The following HPN variants were observed in gnomAD, a reference collection of about 807,000 sequenced individuals.
HPN encodes hepsin, also known as serine protease hepsin.
In HPN, 13 loss-of-function variants were observed where a neutral mutation model predicts 55.9. The observed-to-expected ratio is 0.23, with a 90% CI of 0.15 to 0.37. The LOEUF (loss-of-function observed/expected upper bound fraction) is 0.37. Ranked by LOEUF, HPN falls within the 10% of genes least tolerant of loss-of-function variation. HPN has a pLI of 1.00. For synonymous variants in HPN, 225 were observed against 240.3 expected, an observed-to-expected ratio of 0.94 and a Z score of 0.59; for missense variants, 451 against 575.8, an observed-to-expected ratio of 0.78 and a Z score of 2.22.
Position 35,060,382 on chromosome 19 carries a change from G to A in HPN, c.490G>A (p.Val164Met), listed in dbSNP as rs781698528. The A allele has an allele frequency of 3.7e-6, 6 of 1,612,472 alleles. No homozygotes were observed. The highest frequency in any genetic ancestry group is 1.3e-5 in the African/African-American group (1 of 74,946). The change falls in exon 8 of 13, where the codon GTG (valine) becomes ATG (methionine). Residue 164 changes from valine (V) to methionine (M), a missense_variant. Val to Met is a conservative substitution (Grantham distance 21). This residue lies in a region of HPN where 378 missense variants were observed against 445.5 expected (regional missense o/e 0.85). Transcript: ENST00000672452. ...GRRKLPVDRI[V>M]GGRDTSLGRW... ...CAGGAAGCTGCCCGTGGACCGCATC[G>A]TGGGAGGCCGGGACACCAGCTTGGG...
rs145048085 is a variant in HPN, at chr19:35,049,099, G to A, written c.17-191G>A. On this transcript the variant is annotated intron_variant, in intron 2 of 12. Transcript: ENST00000672452. ...CCCAGCTGGAACCCTGGGGGAGCTG[G>A]GCACCTGGTTGTTCACACGGCAGGG... Among the ~76,000 whole-genome samples the A allele has an allele frequency of 2.3e-3, 354 of 152,304 alleles. 1 individual carries two copies. The highest frequency in any genetic ancestry group is 7.9e-3 in the African/African-American group (329 of 41,564).
intron 1 of HPN, 123 bp from the exon 2 acceptor site, chr19:35,042,330 G>C (rs2064302500): frequency 7.1e-7 from 1 of 1,417,780 alleles, no homozygotes; most frequent in Non-Finnish European, 9.2e-7. Context: ...CCGTGATCAC[G>C]GCGTGCTCTG....
rs1316232766 is a variant in HPN at position 35,066,395 on chromosome 19, T to C, written c.*108T>C. 1.2e-5 allele frequency: 17 copies of C among 1,431,604 alleles called. No homozygotes were observed. Among genetic ancestry groups the C allele is most frequent in the Non-Finnish European group, 1.6e-5 (17 of 1,056,174 alleles). The allele number at this position is 1,431,604 out of a possible 1,614,324, so 88.7% of individuals were successfully genotyped here. On this transcript the variant is annotated 3_prime_UTR_variant, in exon 13 of 13. Coordinates refer to ENST00000672452, the MANE Select transcript of HPN (RefSeq NM_001384133.1). Reference sequence around the variant, plus strand: ...TTTCTTCTTGGGCCCGGTCCACAGGTCCAAGGACACCCTCCCTCCAGGGTC... The same window carrying C: ...TTTCTTCTTGGGCCCGGTCCACAGGCCCAAGGACACCCTCCCTCCAGGGTC...
intron 2 of HPN, among the ~76,000 whole-genome samples, chr19:35,047,117 C>T (rs572989784): frequency 1.8e-4 from 28 of 152,334 alleles, no homozygotes; most frequent in African/African-American, 6.5e-4. Context: ...CGTGAGCCAC[C>T]GAGCCCGGCT....
At chr19:35,059,534 G>A in intron 4 of HPN, 139 bp from the exon 5 acceptor site, 1 of 1,083,072 alleles carries the variant, frequency 9.2e-7, no homozygotes, top group Non-Finnish European at 1.4e-6. Context: ...CAGATGTGGG[G>A]GCTGCAACCC....
At position 35,041,763 on chromosome 19, in the gene HPN, G is replaced by A. The variant is rs1451178278; in HGVS notation, c.-164G>A. 7.8e-7 allele frequency: 1 copy of A among 1,288,202 alleles called. No individual in the cohort carries two copies. Among genetic ancestry groups the A allele is most frequent in the Admixed American group, 2.3e-5 (1 of 43,534 alleles). 79.8% of individuals were successfully genotyped at this position (1,288,202 alleles called of 1,614,324 possible). A position where few individuals can be genotyped will look rare whatever the true frequency, so the allele number is the denominator to read the frequency against. ...TAGCAGGCCCCACGCCACCGCCTCT[G>A]CCTCCAGGCCGCCCGCTGCTGCGGG... On this transcript the variant is annotated 5_prime_UTR_variant, in exon 1 of 13. Transcript: ENST00000672452.
chr19:35,062,094 A>G (rs2064541621), intron 9 of HPN, among the ~76,000 whole-genome samples: 1 of 152,088 alleles, frequency 6.6e-6, no homozygotes. Context: ...GAAAGAAAAG[A>G]AAGGAAGGAA....
At chr19:35,064,014 A>G (rs987028800) in intron 9 of HPN, among the ~76,000 whole-genome samples, 4 of 152,240 alleles carry the variant, frequency 2.6e-5, no homozygotes, top group African/African-American at 9.6e-5. Context: ...TACTTTTACT[A>G]GTTATATGAA....
chr19:35,050,623 C>CA, intron 4 of HPN: 1 of 892,300 alleles, frequency 1.1e-6, no homozygotes, highest in East Asian at 6.7e-5. Flanking sequence ...ATGCCAACTT[C>CA]AAGCTGCCAT....
chr19:35,065,221 G>C, intron 9 of HPN, 29 bp from the exon 10 acceptor site: 1 of 1,556,272 alleles, frequency 6.4e-7, no homozygotes, highest in Non-Finnish European at 8.8e-7. Flanking sequence ...AGGCCAGCGG[G>C]GGCTGGACCA....
upstream of HPN, among the ~76,000 whole-genome samples, chr19:35,040,938 C>G (rs1274624014): frequency 6.6e-6 from 1 of 152,166 alleles, no homozygotes; most frequent in Non-Finnish European, 1.5e-5. Context: ...GGGCAAGCAG[C>G]CGAGGCCGAC....
At chr19:35,044,979 C>G (rs994882650) in intron 2 of HPN, among the ~76,000 whole-genome samples, 2 of 151,862 alleles carry the variant, frequency 1.3e-5, no homozygotes, top group African/African-American at 4.8e-5. Flanking sequence ...GAATGTTATG[C>G]AGATGGGGAT....
chr19:35,064,690 TC>T (rs781407096), intron 9 of HPN, among the ~76,000 whole-genome samples: 7 of 152,028 alleles, frequency 4.6e-5, no homozygotes, highest in Non-Finnish European at 1.0e-4. Context: ...GGCCTCATTT[TC>T]CCCCTCTCTA....
intron 9 of HPN, among the ~76,000 whole-genome samples, chr19:35,062,262 A>C (rs2064544577): frequency 6.6e-6 from 1 of 152,172 alleles, no homozygotes; most frequent in South Asian, 2.1e-4. Flanking sequence ...TGTCTGGGTG[A>C]TGAAAGATTC....
intron 9 of HPN, among the ~76,000 whole-genome samples, chr19:35,063,976 G>A (rs2064568339): frequency 6.6e-6 from 1 of 152,148 alleles, no homozygotes; most frequent in Admixed American, 6.5e-5. Context: ...ACTGGTAAAT[G>A]TTAGCAATTG....
At position 35,048,024 on chromosome 19, in the gene HPN, G is replaced by GAGAAGAAAGAA. The variant is rs1555722903; in HGVS notation, c.17-1262_17-1261insGAAAGAAAGAA. 9.3e-3 allele frequency among the ~76,000 whole-genome samples: 602 copies of GAGAAGAAAGAA among 65,036 alleles called. 30 individuals carry two copies. The highest frequency in any genetic ancestry group is 0.024 in the East Asian group (38 of 1,610). 42.7% of individuals were successfully genotyped at this position (65,036 alleles called of 152,430 possible). ...AAAAAGAAAAAGAAAGAGAGAGAGAGAGAAAAAGAAAGAAAGAAAGAAAGA... is the reference window on the plus strand; with the variant it reads ...AAAAAGAAAAAGAAAGAGAGAGAGAGAGAAGAAAGAAAGAAAAAGAAAGAAAGAAAGAAAGA... On this transcript the variant is annotated intron_variant, in intron 2 of 12. Transcript: ENST00000672452.
intron 12 of HPN, 94 bp from the exon 13 acceptor site, chr19:35,066,155 C>G: frequency 6.2e-7 from 1 of 1,613,222 alleles, no homozygotes; most frequent in Non-Finnish European, 8.5e-7. Context: ...CCCTTGGGAA[C>G]AGATGGACTT....
intron 9 of HPN, among the ~76,000 whole-genome samples, chr19:35,064,881 A>G (rs890277827): frequency 1.3e-5 from 2 of 151,566 alleles, no homozygotes; most frequent in African/African-American, 4.8e-5. Flanking sequence ...GAGTGCAATG[A>G]CATGATCTCG....
intron 9 of HPN, among the ~76,000 whole-genome samples, chr19:35,062,926 G>C (rs1688040): frequency 0.85 from 129,536 of 151,924 alleles, 56,282 homozygotes; most frequent in Non-Finnish European, 0.93. Context: ...TCATGAAGTA[G>C]TAATAGCGAG....
Sources: allele counts gnomAD v4.1 joint callset (sites outside exome capture counted in the v4.1 genomes callset), GRCh38; gene constraint gnomAD v4.1.1; regional missense constraint gnomAD v4.1.1; transcripts MANE v1.5; gene names NCBI Gene and HGNC (gene_info 2026-07-23, HGNC 2026-07-21).